PPFIA2: variants seen among roughly 807,000 people sequenced by gnomAD.
PPFIA2 encodes PPFI scaffold protein A2.
PPFIA2 carries 46 observed loss-of-function variants against 175.5 expected under a neutral mutation model. The ratio of observed to expected loss-of-function variants is 0.26; its 90% CI spans 0.21 to 0.34. The LOEUF is 0.34. PPFIA2 is among the 10% of genes least tolerant of loss of function. The pLI is 1.00. For missense variants in PPFIA2, 1,179 were observed against 1,506.1 expected (o/e 0.78, Z 3.60); for synonymous variants, 568 against 511.4 (o/e 1.11, Z -1.49).
intron 3 of PPFIA2, among the ~76,000 whole-genome samples, chr12:81,713,824 G>A (rs115846494): frequency 1.6e-4 from 24 of 151,340 alleles, no homozygotes; most frequent in African/African-American, 5.8e-4. Flanking sequence ...AGAAAATAGT[G>A]GAGAACAAAA....
intron 4 of PPFIA2, among the ~76,000 whole-genome samples, chr12:81,528,915 G>A (rs538344780): frequency 1.3e-5 from 2 of 152,070 alleles, no homozygotes; most frequent in South Asian, 4.1e-4. Context: ...ACAAAAAATA[G>A]ATTAACAGCT....
At chr12:81,295,123 T>A in intron 23 of PPFIA2, 88 bp from the exon 24 acceptor site, 1 of 1,215,842 alleles carries the variant, frequency 8.2e-7, no homozygotes. Flanking sequence ...TTATGTATCT[T>A]ACATACATGA....
chr12:81,335,718 G>A (rs1159777234), intron 21 of PPFIA2, among the ~76,000 whole-genome samples: 1 of 151,006 alleles, frequency 6.6e-6, no homozygotes, highest in Non-Finnish European at 1.5e-5. Flanking sequence ...ACTCCAGCCT[G>A]GGTGACAGAG....
intron 4 of PPFIA2, among the ~76,000 whole-genome samples, chr12:81,643,247 C>T (rs534181499): frequency 2.0e-5 from 3 of 151,748 alleles, no homozygotes; most frequent in Admixed American, 6.6e-5. Flanking sequence ...GAATAACTGT[C>T]ACATATCTCT....
At chr12:81,416,599 CAG>C (rs2045310056) in intron 7 of PPFIA2, among the ~76,000 whole-genome samples, 1 of 151,660 alleles carries the variant, frequency 6.6e-6, no homozygotes, top group Non-Finnish European at 1.5e-5. Flanking sequence ...AAACAGCAAA[CAG>C]AACTTACTGA....
intron 4 of PPFIA2, among the ~76,000 whole-genome samples, chr12:81,550,154 T>C (rs2153366927): frequency 6.6e-6 from 1 of 152,030 alleles, no homozygotes. Flanking sequence ...CTTTCGAAAC[T>C]CTGTCTACCT....
intron 7 of PPFIA2, among the ~76,000 whole-genome samples, chr12:81,406,209 A>T (rs564073623): frequency 9.9e-5 from 15 of 152,242 alleles, no homozygotes; most frequent in South Asian, 6.2e-4. Flanking sequence ...TATTCACGTG[A>T]TGTTAATTCA....
chr12:81,363,529 T>C (rs1448324908), intron 14 of PPFIA2, among the ~76,000 whole-genome samples: 1 of 151,676 alleles, frequency 6.6e-6, no homozygotes, highest in African/African-American at 2.4e-5. Flanking sequence ...TTATAACTGT[T>C]ATATTGTTTT....
intron 22 of PPFIA2, among the ~76,000 whole-genome samples, chr12:81,309,455 T>C (rs1306610133): frequency 1.3e-5 from 2 of 152,122 alleles, no homozygotes; most frequent in Non-Finnish European, 2.9e-5. Flanking sequence ...TTTAGCTTCA[T>C]AAAATTAAGA....
chr12:81,443,471 G>A (rs2050609156), intron 6 of PPFIA2, among the ~76,000 whole-genome samples: 3 of 151,242 alleles, frequency 2.0e-5, no homozygotes, highest in Admixed American at 6.6e-5. Flanking sequence ...ATATAGTTAT[G>A]CTAAACCCAC....
At chr12:81,459,338 AAAG>A (rs2054126646) in intron 4 of PPFIA2, among the ~76,000 whole-genome samples, 1 of 152,196 alleles carries the variant, frequency 6.6e-6, no homozygotes, top group Admixed American at 6.6e-5. Flanking sequence ...TTGATAGAGA[AAAG>A]AAGTGATACC....
chr12:81,549,104 T>A (rs564534463), intron 4 of PPFIA2, among the ~76,000 whole-genome samples: 4 of 152,220 alleles, frequency 2.6e-5, no homozygotes, highest in East Asian at 1.9e-4. Context: ...ATTTCTCCCA[T>A]CTGTCCCAAC....
intron 16 of PPFIA2, among the ~76,000 whole-genome samples, chr12:81,354,339 G>T (rs1049025455): frequency 6.6e-6 from 1 of 152,168 alleles, no homozygotes. Context: ...TATCAACTGT[G>T]TAATCTAATA....
intron 20 of PPFIA2, 39 bp from the exon 21 acceptor site, chr12:81,339,373 C>A: frequency 1.3e-6 from 2 of 1,486,320 alleles, no homozygotes; most frequent in South Asian, 1.4e-5. Flanking sequence ...GCAACATCCA[C>A]AAGGTACACA....
At chr12:81,750,359 T>C (rs1277941104) in intron 3 of PPFIA2, among the ~76,000 whole-genome samples, 1 of 142,864 alleles carries the variant, frequency 7.0e-6, no homozygotes, top group South Asian at 2.3e-4. Flanking sequence ...GTAGAGAGAT[T>C]TGAGAATTAT....
chr12:81,293,122 T>G (rs538361375), intron 24 of PPFIA2, among the ~76,000 whole-genome samples: 1 of 152,148 alleles, frequency 6.6e-6, no homozygotes, highest in South Asian at 2.1e-4. Context: ...TTTTTAATAT[T>G]TTACCTATTG....
intron 4 of PPFIA2, among the ~76,000 whole-genome samples, chr12:81,635,501 A>C (rs577138104): frequency 6.6e-6 from 1 of 152,220 alleles, no homozygotes; most frequent in Non-Finnish European, 1.5e-5. Flanking sequence ...TGTAGCCTCA[A>C]CCAGGAAATC....
intron 3 of PPFIA2, among the ~76,000 whole-genome samples, chr12:81,738,862 C>T (rs1391197720): frequency 1.3e-5 from 2 of 151,856 alleles, no homozygotes; most frequent in African/African-American, 4.8e-5. Flanking sequence ...AGAACACAGA[C>T]ACATTGAAAT....
chr12:81,469,449 C>A (rs1022079583), intron 4 of PPFIA2, among the ~76,000 whole-genome samples: 1 of 152,188 alleles, frequency 6.6e-6, no homozygotes, highest in Non-Finnish European at 1.5e-5. Context: ...GCCCCGCATG[C>A]ACCCCTGTAG....
Sources: gnomAD v4.1 joint callset for allele counts (sites outside exome capture counted in the v4.1 genomes callset) on GRCh38, gnomAD v4.1.1 for gene constraint, MANE v1.5 for transcripts, NCBI Gene and HGNC (gene_info 2026-07-23, HGNC 2026-07-21) for gene names.